ADPRS: variants seen among roughly 807,000 people sequenced by gnomAD.
The protein encoded by ADPRS is ADP-ribosylhydrolase ARH3.
Under a neutral mutation model 32.1 loss-of-function variants are expected in ADPRS, and 25 were observed. That is an observed-to-expected ratio of 0.78 (90% confidence interval 0.57 to 1.09). ADPRS has a LOEUF of 1.09. Ranked by LOEUF, ADPRS falls within the 50% of genes least tolerant of loss-of-function variation. ADPRS has a pLI of 0.00. For missense variants in ADPRS, 482 were observed against 480.6 expected, an observed-to-expected ratio of 1.00 and a Z score of -0.03; for synonymous variants, 225 against 201.0, an observed-to-expected ratio of 1.12 and a Z score of -1.01.
chr1:36,092,166 CTG>C, intron 4 of ADPRS, 72 bp downstream of exon 4: 2 of 1,519,720 alleles, frequency 1.3e-6, no homozygotes, highest in East Asian at 2.3e-5. Flanking sequence ...TTGCCGCAAA[CTG>C]TAAACCTTCC....
chr1:36,089,360 G>T (rs1003917661), intron 1 of ADPRS, among the ~76,000 whole-genome samples: 19 of 152,260 alleles, frequency 1.2e-4, no homozygotes, highest in Admixed American at 2.6e-4. Flanking sequence ...AACCGTGCAG[G>T]GTGTGGATAA....
chr1:36,089,835 G>A (rs558059757), intron 1 of ADPRS, among the ~76,000 whole-genome samples: 9 of 152,272 alleles, frequency 5.9e-5, no homozygotes, highest in African/African-American at 2.2e-4. Flanking sequence ...GTTTGCATGC[G>A]CTGTCTCGCC....
intron 1 of ADPRS, 112 bp downstream of exon 1, chr1:36,089,227 C>A: frequency 1.6e-6 from 2 of 1,237,986 alleles, no homozygotes; most frequent in Admixed American, 7.7e-5. Context: ...GCCGAGGGCA[C>A]CGGGGCCAGA....
intron 5 of ADPRS, among the ~76,000 whole-genome samples, 198 bp from the exon 6 acceptor site, chr1:36,092,899 G>C (rs929149193): frequency 2.0e-5 from 3 of 152,248 alleles, no homozygotes; most frequent in Admixed American, 1.3e-4. Context: ...TCTGGGAGCA[G>C]GAAGCTTAGC....
chr1:36,093,075 C>T, intron 5 of ADPRS, 22 bp from the exon 6 acceptor site: 1 of 1,607,742 alleles, frequency 6.2e-7, no homozygotes, highest in Admixed American at 1.7e-5. Flanking sequence ...CATGCAGCCC[C>T]TCTAACCTGG....
chr1:36,092,791 T>C (rs753008022), intron 5 of ADPRS, among the ~76,000 whole-genome samples: 4 of 152,240 alleles, frequency 2.6e-5, no homozygotes, highest in Admixed American at 1.3e-4. Flanking sequence ...ATACTGGGCG[T>C]TGTGCAGAAT....
At chr1:36,089,182 G>A (rs912256602) in intron 1 of ADPRS, 67 bp downstream of exon 1, 1 of 1,368,046 alleles carries the variant, frequency 7.3e-7, no homozygotes, top group East Asian at 3.1e-5. Context: ...GGAGCCTCCG[G>A]GGGCGACGGG....
intron 5 of ADPRS, 121 bp downstream of exon 5, chr1:36,092,643 G>A: frequency 3.5e-6 from 3 of 868,994 alleles, no homozygotes; most frequent in South Asian, 1.6e-5. Flanking sequence ...GTGACACGGA[G>A]TCAATGGCAG....
Position 36,088,911 on chromosome 1 carries a change from G to A in ADPRS, c.7G>A (p.Ala3Thr), listed in dbSNP as rs867446224. 6.6e-7 allele frequency: 1 copy of A among 1,525,000 alleles called. No homozygotes were observed. Among genetic ancestry groups the A allele is most frequent in the Non-Finnish European group, 8.8e-7 (1 of 1,141,694 alleles). The allele number at this position is 1,525,000 out of a possible 1,614,324, so 94.5% of individuals were successfully genotyped here. ...GCGAGCAGTCTGCGCGCGGATGGCC[G>A]CAGCGGCGATGGCGGCAGCGGCAGG... is the stretch of plus-strand genomic sequence containing the variant. MA[A>T]AAMAAAAGGG... is the part of the protein sequence containing the mutation. The change falls in exon 1 of 6, where the codon GCA (alanine) becomes ACA (threonine). Residue 3 changes from alanine to threonine, a missense_variant. Ala to Thr is a moderately conservative substitution (Grantham distance 58, BLOSUM62 0). Coordinates refer to ENST00000373178, the MANE Select transcript of ADPRS (RefSeq NM_017825.3).
chr1:36,093,514 G>C lies in ADPRS; in HGVS notation c.*128G>C, dbSNP rs926230199. 1 of 1,256,686 alleles carries C rather than the reference G, an allele frequency of 8.0e-7. No individual in the cohort carries two copies. Among genetic ancestry groups the C allele is most frequent in the Admixed American group, 2.6e-5 (1 of 37,844 alleles). The allele number at this position is 1,256,686 out of a possible 1,614,324, so 77.8% of individuals were successfully genotyped here. On this transcript the variant is annotated 3_prime_UTR_variant, in exon 6 of 6. Coordinates refer to ENST00000373178, the MANE Select transcript of ADPRS (RefSeq NM_017825.3). ...CATTGTGGAGCTGACTGAGTACACC[G>C]GTGAGGCTGGGGTCTCTGCAGGGGA... is the stretch of plus-strand genomic sequence containing the variant.
chr1:36,090,886 CA>C (rs1643471490), intron 1 of ADPRS, among the ~76,000 whole-genome samples: 1 of 151,814 alleles, frequency 6.6e-6, no homozygotes, highest in Admixed American at 6.6e-5. Context: ...AAAAGGTGAG[CA>C]GGGCCAGGCA....
chr1:36,092,553 C>T (rs758438678), intron 5 of ADPRS, 31 bp downstream of exon 5: 2 of 1,603,884 alleles, frequency 1.2e-6, no homozygotes, highest in African/African-American at 1.3e-5. Flanking sequence ...TTGTCTCTCC[C>T]TCTGTCGTCC....
intron 1 of ADPRS, among the ~76,000 whole-genome samples, chr1:36,089,536 G>A (rs754718070): frequency 2.0e-5 from 3 of 152,202 alleles, no homozygotes; most frequent in Non-Finnish European, 4.4e-5. Context: ...GTCGGGGACT[G>A]TCTGTCCACC....
chr1:36,091,622 G>T lies in ADPRS; in HGVS notation c.313G>T (p.Ala105Ser). The T allele has an allele frequency of 6.3e-7, 1 of 1,595,600 alleles. No individual in the cohort carries two copies. Among genetic ancestry groups the T allele is most frequent in the Non-Finnish European group, 8.6e-7 (1 of 1,169,350 alleles). The part of the protein sequence containing the change: ...FDEVDMAHRF[A>S]QEYKKDPDRG... Reference sequence around the variant, plus strand: ...GTCTCCCCTTCTGTTCCCTAGATTTGCTCAGGAGTACAAGAAAGACCCTGA... The same window carrying T: ...GTCTCCCCTTCTGTTCCCTAGATTTTCTCAGGAGTACAAGAAAGACCCTGA... The change falls in exon 3 of 6, where the codon GCT (alanine) becomes TCT (serine). Residue 105 changes from alanine to serine, a missense_variant. By Grantham distance (99) the Ala-to-Ser change is moderately conservative. Transcript: ENST00000373178.
chr1:36,093,518 A>G lies in ADPRS; in HGVS notation c.*132A>G, dbSNP rs939298339. On this transcript the variant is annotated 3_prime_UTR_variant, in exon 6 of 6. Transcript: ENST00000373178. Reference sequence around the variant, plus strand: ...GTGGAGCTGACTGAGTACACCGGTGAGGCTGGGGTCTCTGCAGGGGAGGTC... The same window carrying G: ...GTGGAGCTGACTGAGTACACCGGTGGGGCTGGGGTCTCTGCAGGGGAGGTC... 5.7e-5 allele frequency: 70 copies of G among 1,235,338 alleles called. No individual in the cohort carries two copies. Among genetic ancestry groups the G allele is most frequent in the Non-Finnish European group, 7.2e-5 (65 of 900,562 alleles). The allele number at this position is 1,235,338 out of a possible 1,614,324, so 76.5% of individuals were successfully genotyped here.
At chr1:36,089,269 C>T (rs559003028) in intron 1 of ADPRS, among the ~76,000 whole-genome samples, 154 bp downstream of exon 1, 11 of 152,314 alleles carry the variant, frequency 7.2e-5, no homozygotes, top group Admixed American at 3.9e-4. Flanking sequence ...TTGAGCTCAG[C>T]GAGTGCCAGT....
At position 36,089,090 on chromosome 1, in the gene ADPRS, C is replaced by T. The variant is rs187776843; in HGVS notation, c.186C>T (p.Pro62=). ...ATGTCCAGAGTCTGGAGCCGGACCC[C>T]GGCACGCCCGGGAGTGAGCGGACAG... The part of the protein sequence containing the change: ...LRHVQSLEPD[P]GTPGSERTEA... The change falls in exon 1 of 6, where the codon CCC becomes CCT. Residue 62 remains proline (P), a synonymous_variant. Transcript: ENST00000373178. 3.0e-5 allele frequency: 43 copies of T among 1,429,976 alleles called. No homozygotes were observed. In the African/African-American group the frequency reaches 6.0e-4, roughly 20 times the overall value. The allele number at this position is 1,429,976 out of a possible 1,614,324, so 88.6% of individuals were successfully genotyped here.
At position 36,089,062 on chromosome 1, in the gene ADPRS, G is replaced by C; in HGVS notation, c.158G>C (p.Arg53Pro). Residue 53 changes from arginine (R) to proline (P), a missense_variant, in exon 1 of 6, where the codon CGT (arginine) becomes CCT (proline). Physicochemically the swap from Arg to Pro is moderately radical, Grantham distance 103. Transcript: ENST00000373178. ...HDTVDLTSVL[R>P]HVQSLEPDPG... Reference sequence around the variant, plus strand: ...ACCGTCGACCTGACGTCAGTCCTGCGTCATGTCCAGAGTCTGGAGCCGGAC... The same window carrying C: ...ACCGTCGACCTGACGTCAGTCCTGCCTCATGTCCAGAGTCTGGAGCCGGAC... The C allele has an allele frequency of 1.4e-6, 2 of 1,465,596 alleles. No homozygotes were observed. The highest frequency in any genetic ancestry group is 1.8e-6 in the Non-Finnish European group (2 of 1,112,852). 90.8% of individuals were successfully genotyped at this position (1,465,596 alleles called of 1,614,324 possible).
Position 36,088,930 on chromosome 1 carries a change from CG to C in ADPRS, c.28del (p.Ala10GlnfsTer39). On this transcript the variant is annotated frameshift_variant, in exon 1 of 6. Transcript: ENST00000373178. LOFTEE classifies it high-confidence loss of function. MAAAAMAA[A>X]AGGGAGAARS... ...ATGGCCGCAGCGGCGATGGCGGCAG[CG>C]GCAGGTGGAGGGGCTGGCGCGGCCC... 1 of 1,525,872 alleles carries C rather than the reference CG, an allele frequency of 6.6e-7. No individual in the cohort carries two copies. The highest frequency in any genetic ancestry group is 8.8e-7 in the Non-Finnish European group (1 of 1,141,398). 94.5% of individuals were successfully genotyped at this position (1,525,872 alleles called of 1,614,324 possible).
Sources: gnomAD v4.1 joint callset for allele counts (sites outside exome capture counted in the v4.1 genomes callset) on GRCh38, gnomAD v4.1.1 for gene constraint, MANE v1.5 for transcripts, NCBI Gene and HGNC (gene_info 2026-07-23, HGNC 2026-07-21) for gene names.